Variants in ARHGAP28 observed in about 807,000 individuals in gnomAD.
ARHGAP28 encodes the protein rho GTPase-activating protein 28.
ARHGAP28 carries 56 observed loss-of-function variants against 90.7 expected under a neutral mutation model. That is an observed-to-expected ratio of 0.62 (90% CI 0.50 to 0.77). ARHGAP28 has a LOEUF of 0.77. Among genes scored for constraint, ARHGAP28 ranks in the 30% least tolerant of loss-of-function variants. ARHGAP28 has a pLI of 0.00. For synonymous variants in ARHGAP28, 308 were observed against 323.3 expected, an observed-to-expected ratio of 0.95 and a Z score of 0.51; for missense variants, 869 against 900.9, an observed-to-expected ratio of 0.96 and a Z score of 0.45.
intron 16 of ARHGAP28, 50 bp downstream of exon 16, chr18:6,896,676 C>G: frequency 6.2e-7 from 1 of 1,601,122 alleles, no homozygotes; most frequent in East Asian, 2.2e-5. Context: ...AAACCTTTAT[C>G]AGATGAATAA....
At chr18:6,838,978 G>A (rs1285262986) in intron 3 of ARHGAP28, among the ~76,000 whole-genome samples, 3 of 152,166 alleles carry the variant, frequency 2.0e-5, no homozygotes, top group East Asian at 1.9e-4. Flanking sequence ...CTGACCATCC[G>A]TATCAGATGT....
intron 1 of ARHGAP28, among the ~76,000 whole-genome samples, chr18:6,809,752 G>A (rs527287065): frequency 5.9e-5 from 9 of 152,224 alleles, no homozygotes; most frequent in South Asian, 4.1e-4. Context: ...TCACCAGGCC[G>A]CACCTCCAAC....
chr18:6,861,798 A>G, intron 5 of ARHGAP28, among the ~76,000 whole-genome samples: 1 of 152,180 alleles, frequency 6.6e-6, no homozygotes, highest in East Asian at 1.9e-4. Context: ...TCGTTGGTTC[A>G]TTCAGTCATT....
chr18:6,762,074 C>G (rs576248501), intron 1 of ARHGAP28, among the ~76,000 whole-genome samples: 3 of 152,302 alleles, frequency 2.0e-5, no homozygotes, highest in African/African-American at 7.2e-5. Flanking sequence ...CTCCTTTTCT[C>G]CTTCCCTCTA....
intron 1 of ARHGAP28, among the ~76,000 whole-genome samples, chr18:6,755,127 C>T (rs1443791426): frequency 2.6e-5 from 4 of 152,070 alleles, no homozygotes; most frequent in African/African-American, 9.7e-5. Context: ...GAGCCGAGAT[C>T]GCGCCACTGC....
chr18:6,911,945 C>G (rs2057401622), intron 17 of ARHGAP28, 115 bp from the exon 18 acceptor site: 1 of 522,222 alleles, frequency 1.9e-6, no homozygotes, highest in African/African-American at 2.0e-5. Flanking sequence ...TTACTTTGGC[C>G]AAGAAAACTA....
At chr18:6,841,158 TCTCTCTCTCCTCTCTCTCTCTC>T (rs1567966359) in intron 3 of ARHGAP28, among the ~76,000 whole-genome samples, 12 of 89,438 alleles carry the variant, frequency 1.3e-4, no homozygotes, top group Non-Finnish European at 2.5e-4. Context: ...CTCTCCTCTT[TCTCTCTCTCCTCTCTCTCTCTC>T]CTCTCTCTCT....
At chr18:6,751,682 C>A (rs145526859) in intron 1 of ARHGAP28, among the ~76,000 whole-genome samples, 3 of 152,204 alleles carry the variant, frequency 2.0e-5, no homozygotes, top group African/African-American at 7.2e-5. Context: ...TGGTTCTCTA[C>A]GGGGGTGTCC....
At chr18:6,811,065 C>T (rs1600206603) in intron 1 of ARHGAP28, among the ~76,000 whole-genome samples, 1 of 152,172 alleles carries the variant, frequency 6.6e-6, no homozygotes. Context: ...ATGAATACTC[C>T]TAGCCACTGC....
At position 6,914,907 on chromosome 18, in the gene ARHGAP28, A is replaced by G. The variant is rs1307976123; in HGVS notation, c.*2753A>G. ...ATGATTCTTGGAGTCAATGATCTCT[A>G]AACAAACTGGATTATCAACTATTTA... is the stretch of plus-strand genomic sequence containing the variant. On this transcript the variant is annotated 3_prime_UTR_variant, in exon 18 of 18. Transcript: ENST00000383472. 6.6e-6 allele frequency: 1 copy of G among 152,614 alleles called. No homozygotes were observed. Among genetic ancestry groups the G allele is most frequent in the Admixed American group, 6.5e-5 (1 of 15,292 alleles). 9.5% of individuals were successfully genotyped at this position (152,614 alleles called of 1,614,324 possible).
At chr18:6,804,406 C>CT (rs111996259) in intron 1 of ARHGAP28, among the ~76,000 whole-genome samples, 6,146 of 151,056 alleles carry the variant, frequency 0.041, 410 homozygotes, top group African/African-American at 0.14. Flanking sequence ...TTCATTTATT[C>CT]TTTTTTTTTC....
rs150934087 is a variant in ARHGAP28 at position 6,894,071 on chromosome 18, G to A, written c.1849-764G>A. 3.5e-3 allele frequency among the ~76,000 whole-genome samples: 535 copies of A among 152,068 alleles called. 5 individuals carry two copies. Among genetic ancestry groups the A allele is most frequent in the African/African-American group, 0.012 (498 of 41,514 alleles). On this transcript the variant is annotated intron_variant, in intron 14 of 17. Coordinates refer to ENST00000383472, the MANE Select transcript of ARHGAP28 (RefSeq NM_001366230.1). ...TTTAGTAAAGACGGGGTTTCACCGT[G>A]TTAGCCAGGATGGTCTAGATCTCCC...
At chr18:6,852,045 C>T (rs1442975439) in intron 4 of ARHGAP28, among the ~76,000 whole-genome samples, 1 of 152,144 alleles carries the variant, frequency 6.6e-6, no homozygotes, top group East Asian at 1.9e-4. Context: ...ACTTTATGTA[C>T]AGTTAATTGC....
intron 10 of ARHGAP28, among the ~76,000 whole-genome samples, chr18:6,881,184 A>C (rs2057175082): frequency 6.6e-6 from 1 of 152,216 alleles, no homozygotes; most frequent in Non-Finnish European, 1.5e-5. Flanking sequence ...TAATGAGCTA[A>C]TCCTTATTAG....
At chr18:6,773,662 A>G (rs922427470) in intron 1 of ARHGAP28, among the ~76,000 whole-genome samples, 27 of 152,170 alleles carry the variant, frequency 1.8e-4, no homozygotes, top group Admixed American at 5.2e-4. Flanking sequence ...TATTTACTGA[A>G]TTAATCATCC....
intron 5 of ARHGAP28, among the ~76,000 whole-genome samples, chr18:6,867,846 A>C (rs920307305): frequency 5.9e-5 from 9 of 152,214 alleles, no homozygotes; most frequent in Non-Finnish European, 2.9e-5. Flanking sequence ...ATATCAAATT[A>C]TGTGATGTCA....
chr18:6,858,281 G>A (rs1600254021), intron 4 of ARHGAP28, among the ~76,000 whole-genome samples: 1 of 151,518 alleles, frequency 6.6e-6, no homozygotes, highest in Non-Finnish European at 1.5e-5. Flanking sequence ...CTTATTCTTT[G>A]TTCATTCTAC....
intron 1 of ARHGAP28, among the ~76,000 whole-genome samples, chr18:6,810,732 T>C (rs567905338): frequency 1.3e-5 from 2 of 152,020 alleles, no homozygotes; most frequent in Non-Finnish European, 2.9e-5. Context: ...ATATAGAGTA[T>C]GAAGAGCTGT....
intron 1 of ARHGAP28, among the ~76,000 whole-genome samples, chr18:6,813,349 G>A (rs533365640): frequency 3.9e-5 from 6 of 152,292 alleles, no homozygotes; most frequent in South Asian, 2.1e-4. Flanking sequence ...GCTTTTTAAT[G>A]TGTAGTTCTC....
Sources: allele counts gnomAD v4.1 joint callset (sites outside exome capture counted in the v4.1 genomes callset), GRCh38; gene constraint gnomAD v4.1.1; transcripts MANE v1.5; gene names NCBI Gene and HGNC (gene_info 2026-07-23, HGNC 2026-07-21).